The following KIF13A variants were observed in gnomAD, a reference collection of about 807,000 sequenced individuals.
KIF13A encodes kinesin-like protein KIF13A.
A neutral mutation model predicts 212.2 loss-of-function variants in KIF13A; 79 were observed. The observed-to-expected ratio is 0.37, with a 90% CI of 0.31 to 0.45. The LOEUF (loss-of-function observed/expected upper bound fraction) is 0.45, where lower values mean the gene tolerates loss of function less well. Ranked by LOEUF, KIF13A falls within the 20% of genes least tolerant of loss-of-function variation. The pLI is 1.00. For missense variants in KIF13A, 1,901 were observed against 2,209.0 expected, an observed-to-expected ratio of 0.86 and a Z score of 2.79; for synonymous variants, 789 against 808.6, an observed-to-expected ratio of 0.98 and a Z score of 0.41.
chr6:17,780,621 T>C (rs1048652337), intron 31 of KIF13A, 109 bp downstream of exon 31: 1 of 977,396 alleles, frequency 1.0e-6, no homozygotes. Flanking sequence ...TTGGCCAGGA[T>C]GGTCATGTTT....
At chr6:17,986,691 G>C (rs1781581031) in intron 2 of KIF13A, among the ~76,000 whole-genome samples, 2 of 152,256 alleles carry the variant, frequency 1.3e-5, no homozygotes, top group Admixed American at 6.5e-5. Flanking sequence ...GAACAATAAG[G>C]TCGTGGGCTG....
At chr6:17,761,173 T>C (rs1022929931), downstream of KIF13A, among the ~76,000 whole-genome samples, 2 of 152,216 alleles carry the variant, frequency 1.3e-5, no homozygotes, top group Non-Finnish European at 2.9e-5. Context: ...GTCAAACTTA[T>C]GGTTCTCAGA....
intron 22 of KIF13A, among the ~76,000 whole-genome samples, chr6:17,798,500 C>A (rs1204369925): frequency 1.3e-5 from 2 of 152,080 alleles, no homozygotes; most frequent in Non-Finnish European, 2.9e-5. Context: ...ACTTGACAGC[C>A]CTTACCTATG....
At chr6:17,775,154 C>A in intron 34 of KIF13A, 92 bp from the exon 35 acceptor site, 2 of 983,408 alleles carry the variant, frequency 2.0e-6, no homozygotes, top group Non-Finnish European at 3.0e-6. Context: ...ACAGTTGAAG[C>A]CTGCAGTCTT....
At chr6:17,833,073 A>G (rs1765600472) in intron 12 of KIF13A, among the ~76,000 whole-genome samples, 1 of 151,306 alleles carries the variant, frequency 6.6e-6, no homozygotes, top group South Asian at 2.1e-4. Context: ...TTAAATGTGA[A>G]GAGCAGGAAA....
Position 17,834,524 on chromosome 6 carries a change from A to G in KIF13A, c.1156-453T>C, listed in dbSNP as rs549462767. 6.6e-6 allele frequency among the ~76,000 whole-genome samples: 1 copy of G among 152,346 alleles called. No individual in the cohort carries two copies. Among genetic ancestry groups the G allele is most frequent in the Non-Finnish European group, 1.5e-5 (1 of 68,034 alleles). On this transcript the variant is annotated intron_variant, in intron 11 of 38. Coordinates refer to ENST00000259711, the MANE Select transcript of KIF13A (RefSeq NM_022113.6). The surrounding 1 kb of genome is among the most constrained non-coding windows in gnomAD (Gnocchi z 4.0). ...TTTTAAATTTTGAATCTGGGCCTTT[A>G]GACTACCTTTCTCCACTGATGGTCA...
In KIF13A at chr6:17,772,205, T is replaced by A; in HGVS notation, c.4325-146A>T. On this transcript the variant is annotated intron_variant, in intron 36 of 38. Transcript: ENST00000259711. The surrounding 1 kb of genome is among the most constrained non-coding windows in gnomAD (Gnocchi z 4.8). The stretch of plus-strand genomic sequence containing the variant: ...ATTTGGCTAAGCATTAAAACAGATG[T>A]ATGCCCACCCTGTGCAACATAGGGA... 1 of 714,650 alleles carries A rather than the reference T, an allele frequency of 1.4e-6. No individual in the cohort carries two copies. The allele number at this position is 714,650 out of a possible 1,614,324, so 44.3% of individuals were successfully genotyped here.
At chr6:17,798,940 G>A (rs1314255846) in intron 22 of KIF13A, among the ~76,000 whole-genome samples, 1 of 152,112 alleles carries the variant, frequency 6.6e-6, no homozygotes, top group Non-Finnish European at 1.5e-5. Flanking sequence ...AAGAACTTAT[G>A]TGTGCATGAT....
rs1250798733 is a variant in KIF13A at position 17,839,689 on chromosome 6, ATGAG to A, written c.831-2110_831-2107del. The stretch of plus-strand genomic sequence containing the variant: ...CTGGATTAGGGAGGGCCCTAATCTA[ATGAG>A]TGATGTCCTTATAAGAAGGTCATAT... On this transcript the variant is annotated intron_variant, in intron 9 of 38. Transcript: ENST00000259711. The surrounding 1 kb of genome is among the most constrained non-coding windows in gnomAD (Gnocchi z 4.3). Among the ~76,000 whole-genome samples the A allele has an allele frequency of 6.6e-6, 1 of 152,168 alleles. No homozygotes were observed. Among genetic ancestry groups the A allele is most frequent in the Non-Finnish European group, 1.5e-5 (1 of 68,028 alleles).
In KIF13A at chr6:17,786,424, C is replaced by A. The variant is rs776061972; in HGVS notation, c.3362-783G>T. 2.6e-5 allele frequency among the ~76,000 whole-genome samples: 4 copies of A among 151,952 alleles called. No homozygotes were observed. The highest frequency in any genetic ancestry group is 4.8e-5 in the African/African-American group (2 of 41,362). ...AACCAGCCTGACCAATATGGTAAAA[C>A]CCTGTCTCCACTAAAAATACAAAAA... is the stretch of plus-strand genomic sequence containing the variant. On this transcript the variant is annotated intron_variant, in intron 27 of 38. Coordinates refer to ENST00000259711, the MANE Select transcript of KIF13A (RefSeq NM_022113.6). This position sits in a 1 kb window ranked among gnomAD's most constrained non-coding sequence, Gnocchi z 5.4.
chr6:17,858,741 A>C (rs962461422), intron 4 of KIF13A, among the ~76,000 whole-genome samples: 14 of 152,180 alleles, frequency 9.2e-5, no homozygotes, highest in African/African-American at 3.4e-4. Context: ...CATTCTTGGC[A>C]CAAGCAGCTG....
rs1759193299 is a variant in KIF13A at position 17,768,264 on chromosome 6, G to A, written c.4581+2850C>T. Among the ~76,000 whole-genome samples the A allele has an allele frequency of 1.3e-5, 2 of 152,296 alleles. No individual in the cohort carries two copies. Among genetic ancestry groups the A allele is most frequent in the Admixed American group, 1.3e-4 (2 of 15,292 alleles). ...GAAAAAGATAATTAAAACCCTATCT[G>A]AAGTGGCACATGGAGTCAAGTTCTC... On this transcript the variant is annotated intron_variant, in intron 38 of 38. Coordinates refer to ENST00000259711, the MANE Select transcript of KIF13A (RefSeq NM_022113.6). The surrounding 1 kb of genome is among the most constrained non-coding windows in gnomAD (Gnocchi z 5.4).
In KIF13A at chr6:17,898,023, A is replaced by G. The variant is rs1772718736; in HGVS notation, c.159+145T>C. 7 of 652,168 alleles carry G rather than the reference A, an allele frequency of 1.1e-5. No homozygotes were observed. The highest frequency in any genetic ancestry group is 2.9e-5 in the East Asian group (1 of 34,996). The allele number at this position is 652,168 out of a possible 1,614,324, so 40.4% of individuals were successfully genotyped here. ...ACTCTAACTTTATGTTAACACTGAT[A>G]TTAATTGTTCATGATGTGAGTTTTA... On this transcript the variant is annotated intron_variant, in intron 3 of 38. Coordinates refer to ENST00000259711, the MANE Select transcript of KIF13A (RefSeq NM_022113.6). The surrounding 1 kb of genome is among the most constrained non-coding windows in gnomAD (Gnocchi z 5.2).
At chr6:17,909,248 G>A (rs1330248655) in intron 2 of KIF13A, among the ~76,000 whole-genome samples, 1 of 152,122 alleles carries the variant, frequency 6.6e-6, no homozygotes, top group Admixed American at 6.5e-5. Flanking sequence ...GAAAAGAAAG[G>A]TTTTTGGCTG....
chr6:17,837,009 T>A lies in KIF13A; in HGVS notation c.1024A>T (p.Thr342Ser). 1 of 1,614,022 alleles carries A rather than the reference T, an allele frequency of 6.2e-7. No homozygotes were observed. Among genetic ancestry groups the A allele is most frequent in the Non-Finnish European group, 8.5e-7 (1 of 1,179,896 alleles). ...TTGGCTCGGTCTGCATATCTTAATG[T>A]GGAGAGGGTCTCTTCATAGTTGTCT... is the stretch of plus-strand genomic sequence containing the variant. ...AADNYEETLS[T>S]LRYADRAKRI... The change falls in exon 11 of 39, where the codon ACA becomes TCA. Residue 342 changes from threonine to serine, a missense_variant. Thr to Ser is a moderately conservative substitution (Grantham distance 58). Coordinates refer to ENST00000259711, the MANE Select transcript of KIF13A (RefSeq NM_022113.6). This position sits in a 1 kb window ranked among gnomAD's most constrained non-coding sequence, Gnocchi z 5.4.
intron 2 of KIF13A, among the ~76,000 whole-genome samples, chr6:17,970,299 G>C (rs1779701374): frequency 6.6e-6 from 1 of 151,778 alleles, no homozygotes; most frequent in African/African-American, 2.4e-5. Context: ...AAGTTTTTGT[G>C]TATAGAAATA....
chr6:17,975,301 T>A (rs1443990592), intron 2 of KIF13A, among the ~76,000 whole-genome samples: 1 of 151,748 alleles, frequency 6.6e-6, no homozygotes, highest in East Asian at 1.9e-4. Context: ...TGCAATGAGC[T>A]GAGACTGTGT....
In KIF13A at chr6:17,971,475, G is replaced by A. The variant is rs1351352655; in HGVS notation, c.146+15579C>T. On this transcript the variant is annotated intron_variant, in intron 2 of 38. Transcript: ENST00000259711. The surrounding 1 kb of genome is among the most constrained non-coding windows in gnomAD (Gnocchi z 4.2). ...CTCACTCTGTCGCCCAGGCTGGAGT[G>A]CAGTGGTGTAATCATGGCTCACTGC... 6.6e-6 allele frequency among the ~76,000 whole-genome samples: 1 copy of A among 151,938 alleles called. No individual in the cohort carries two copies. Among genetic ancestry groups the A allele is most frequent in the Admixed American group, 6.6e-5 (1 of 15,254 alleles).
chr6:17,911,624 G>C (rs1233690728), intron 2 of KIF13A, among the ~76,000 whole-genome samples: 1 of 151,290 alleles, frequency 6.6e-6, no homozygotes, highest in Non-Finnish European at 1.5e-5. Flanking sequence ...TAGACTCAGA[G>C]TGTAGAAGGA....
Sources: allele counts gnomAD v4.1 joint callset (sites outside exome capture counted in the v4.1 genomes callset), GRCh38; gene constraint gnomAD v4.1.1; non-coding constraint Gnocchi (gnomAD v3.1); transcripts MANE v1.5; gene names NCBI Gene and HGNC (gene_info 2026-07-23, HGNC 2026-07-21).